CD99L2: variants seen among roughly 807,000 people sequenced by gnomAD.
CD99L2 encodes CD99 molecule like 2, also known as CD99 antigen-like protein 2.
CD99L2 carries 24 observed loss-of-function variants against 27.3 expected under a neutral mutation model. The observed-to-expected ratio is 0.88, with a 90% CI of 0.64 to 1.24. The LOEUF is 1.24. CD99L2 is among the 50% of genes most tolerant of loss of function. The pLI is 0.00. For synonymous variants in CD99L2, 97 were observed against 87.9 expected (o/e 1.10, Z -0.58); for missense variants, 255 against 221.6 (o/e 1.15, Z -0.96).
chrX:150,873,052 C>A (rs1429225543), intron 1 of CD99L2, among the ~76,000 whole-genome samples: 3 of 111,992 alleles, frequency 2.7e-5, no homozygotes, highest in African/African-American at 9.7e-5. Context: ...TGGGAAAAAA[C>A]CAGCAGCCTC....
At chrX:150,868,988 C>T (rs2047113688) in intron 1 of CD99L2, among the ~76,000 whole-genome samples, 1 of 112,541 alleles carries the variant, frequency 8.9e-6, no homozygotes, top group Non-Finnish European at 1.9e-5. Context: ...AAATTCTCTG[C>T]TCTTCAATAG....
chrX:150,869,765 G>C (rs2047125782), intron 1 of CD99L2, among the ~76,000 whole-genome samples: 1 of 111,841 alleles, frequency 8.9e-6, no homozygotes, highest in South Asian at 3.7e-4. Flanking sequence ...AAAATAATCA[G>C]ACTCCCTCTT....
At position 150,769,051 on chromosome X, in the gene CD99L2, C is replaced by G. The variant is rs201756978; in HGVS notation, c.772G>C (p.Glu258Gln). The G allele has an allele frequency of 1.7e-6, 2 of 1,155,620 alleles. No individual in the cohort carries two copies. The highest frequency in any genetic ancestry group is 1.1e-6 in the Non-Finnish European group (1 of 876,022). The change falls in exon 11 of 11, where the codon GAA becomes CAA. Residue 258 changes from glutamate to glutamine, a missense_variant. By Grantham distance (29) the Glu-to-Gln change is conservative. Transcript: ENST00000370377. ...CAGGGCCCTCAGATCCGGGCTGGTT[C>G]GGGCGGCGGCGGCGGCTCTGCAGAC... Reference protein sequence around the residue: ...TQSAEPPPPPEPARI With the variant: ...TQSAEPPPPPQPARI
At chrX:150,802,956 C>T (rs782562858) in intron 4 of CD99L2, among the ~76,000 whole-genome samples, 1 of 85,412 alleles carries the variant, frequency 1.2e-5, no homozygotes, top group South Asian at 7.2e-4. Flanking sequence ...AGTGCAATAG[C>T]GAGATCTCAG....
intron 7 of CD99L2, among the ~76,000 whole-genome samples, chrX:150,783,790 T>C (rs2045552694): frequency 9.0e-6 from 1 of 111,554 alleles, no homozygotes; most frequent in Non-Finnish European, 1.9e-5. Context: ...AAATGCTGGG[T>C]GCTGCAAAGC....
At chrX:150,875,582 T>C (rs782341180) in intron 1 of CD99L2, among the ~76,000 whole-genome samples, 5 of 112,028 alleles carry the variant, frequency 4.5e-5, no homozygotes, top group African/African-American at 1.3e-4. Flanking sequence ...ATCTCTATAA[T>C]AGTGTTACTC....
chrX:150,885,382 AAAC>A (rs201459880), intron 1 of CD99L2, among the ~76,000 whole-genome samples: 1,227 of 111,159 alleles, frequency 0.011, 9 homozygotes, highest in Non-Finnish European at 0.016. Flanking sequence ...AACAACAAAA[AAAC>A]AACAACAACA....
chrX:150,827,225 C>T (rs1870872172), intron 2 of CD99L2, among the ~76,000 whole-genome samples: 2 of 111,258 alleles, frequency 1.8e-5, no homozygotes, highest in Admixed American at 1.9e-4. Context: ...GAAGAACATT[C>T]TCTGCAAGAT....
intron 1 of CD99L2, among the ~76,000 whole-genome samples, chrX:150,878,519 A>C (rs1342437908): frequency 1.9e-5 from 2 of 106,778 alleles, no homozygotes; most frequent in Non-Finnish European, 3.8e-5. Flanking sequence ...TTGAATAGGA[A>C]AACTTAATAC....
In CD99L2 at chrX:150,778,683, AAAATATAT is replaced by A. The variant is rs1482471717; in HGVS notation, c.497-1209_497-1202del. 7.2e-3 allele frequency among the ~76,000 whole-genome samples: 196 copies of A among 27,193 alleles called. 1 individual carries two copies. The highest frequency in any genetic ancestry group is 0.044 in the Middle Eastern group (2 of 45). 23.6% of individuals were successfully genotyped at this position (27,193 alleles called of 115,157 possible). A position where few individuals can be genotyped will look rare whatever the true frequency, so the allele number is the denominator to read the frequency against. ...CAACTTAAAGTATAATAAAAAAAAA[AAAATATAT>A]ATATATATATATATATATAAATAAA... On this transcript the variant is annotated intron_variant, in intron 7 of 10. Transcript: ENST00000370377.
chrX:150,849,181 C>T (rs782212365), intron 1 of CD99L2, among the ~76,000 whole-genome samples: 4 of 111,800 alleles, frequency 3.6e-5, no homozygotes, highest in East Asian at 2.8e-4. Flanking sequence ...CACAGTTAGG[C>T]GATGAAGCCC....
At chrX:150,876,283 A>G (rs1557422316) in intron 1 of CD99L2, among the ~76,000 whole-genome samples, 1 of 112,168 alleles carries the variant, frequency 8.9e-6, no homozygotes, top group African/African-American at 3.2e-5. Context: ...GGCATCAAAT[A>G]TTGTCACGAA....
At chrX:150,840,799 T>C (rs2046612128) in intron 1 of CD99L2, among the ~76,000 whole-genome samples, 1 of 111,207 alleles carries the variant, frequency 9.0e-6, no homozygotes, top group Non-Finnish European at 1.9e-5. Flanking sequence ...GGTATCAGTG[T>C]TAGTGTCCTG....
At chrX:150,871,368 A>T (rs1163057580) in intron 1 of CD99L2, among the ~76,000 whole-genome samples, 1 of 111,794 alleles carries the variant, frequency 8.9e-6, no homozygotes, top group Non-Finnish European at 1.9e-5. Context: ...CCTACAAGCA[A>T]ATACATTCAT....
intron 1 of CD99L2, among the ~76,000 whole-genome samples, chrX:150,892,761 G>C (rs1333922692): frequency 9.0e-6 from 1 of 110,676 alleles, no homozygotes; most frequent in Non-Finnish European, 1.9e-5. Flanking sequence ...TCCACTGAAG[G>C]CAACTTCAGG....
chrX:150,879,925 C>CAAAAAAA (rs782555339), intron 1 of CD99L2, among the ~76,000 whole-genome samples: 1 of 27,325 alleles, frequency 3.7e-5, no homozygotes, highest in African/African-American at 1.4e-4. Context: ...ACCCTGTCTC[C>CAAAAAAA]AAAAAAAAAA....
intron 1 of CD99L2, among the ~76,000 whole-genome samples, chrX:150,893,486 C>T (rs919574292): frequency 1.7e-4 from 19 of 108,794 alleles, no homozygotes; most frequent in African/African-American, 5.7e-4. Context: ...CTCAGCACTG[C>T]CAGCACACGG....
intron 1 of CD99L2, among the ~76,000 whole-genome samples, chrX:150,856,872 A>G (rs1416641809): frequency 9.0e-6 from 1 of 111,415 alleles, no homozygotes; most frequent in African/African-American, 3.3e-5. Context: ...AATCAGTAAG[A>G]CAATTCAGGA....
intron 1 of CD99L2, among the ~76,000 whole-genome samples, chrX:150,839,572 A>G (rs1268073547): frequency 9.0e-6 from 1 of 111,614 alleles, no homozygotes; most frequent in Non-Finnish European, 1.9e-5. Flanking sequence ...AAGTATCAAG[A>G]GGTAATAGGT....
Sources: gnomAD v4.1 joint callset for allele counts (sites outside exome capture counted in the v4.1 genomes callset) on GRCh38, gnomAD v4.1.1 for gene constraint, MANE v1.5 for transcripts, NCBI Gene and HGNC (gene_info 2026-07-23, HGNC 2026-07-21) for gene names.